Variants in MAML3 observed in about 807,000 individuals in gnomAD.
MAML3 encodes the protein mastermind-like protein 3.
MAML3 carries 27 observed loss-of-function variants against 101.9 expected under a neutral mutation model. The observed-to-expected ratio is 0.27, with a 90% confidence interval of 0.20 to 0.37. The LOEUF (loss-of-function observed/expected upper bound fraction) is 0.37. Among genes scored for constraint, MAML3 ranks in the 10% least tolerant of loss-of-function variants. The pLI, the probability that MAML3 is intolerant of heterozygous loss-of-function variation, is 1.00. For missense variants in MAML3, 1,316 were observed against 1,444.9 expected, an observed-to-expected ratio of 0.91 and a Z score of 1.45; for synonymous variants, 501 against 555.9, an observed-to-expected ratio of 0.90 and a Z score of 1.39.
At chr4:140,029,178 C>G (rs1726871012) in intron 1 of MAML3, among the ~76,000 whole-genome samples, 1 of 152,178 alleles carries the variant, frequency 6.6e-6, no homozygotes, top group Non-Finnish European at 1.5e-5. Flanking sequence ...AAACCCTGCT[C>G]AGCACAGGGT....
At chr4:140,102,118 T>A (rs1334347474) in intron 1 of MAML3, among the ~76,000 whole-genome samples, 2 of 152,198 alleles carry the variant, frequency 1.3e-5, no homozygotes, top group Admixed American at 1.3e-4. Context: ...AGCTGAGTTA[T>A]TAGAAAATGG....
chr4:140,062,140 G>T (rs1727457810), intron 1 of MAML3, among the ~76,000 whole-genome samples: 1 of 152,058 alleles, frequency 6.6e-6, no homozygotes, highest in Non-Finnish European at 1.5e-5. Context: ...CTCTCTTCTG[G>T]ATAGTTCAAA....
chr4:140,023,075 G>A (rs1298233474), intron 1 of MAML3, among the ~76,000 whole-genome samples: 1 of 152,148 alleles, frequency 6.6e-6, no homozygotes, highest in Non-Finnish European at 1.5e-5. Context: ...AAAGACACCT[G>A]TATAATATAT....
chr4:139,720,002 C>T lies in MAML3; in HGVS notation c.2738G>A (p.Ser913Asn). ...CACCAGCATGCTCTGACCAAAGCCA[C>T]TCACCATTCCAACCCCCTGCCCAGA... ...PASGQGVGMVSGFGQSMLVNS... is the reference protein window; with the variant it reads ...PASGQGVGMVNGFGQSMLVNS... Residue 913 changes from serine (S) to asparagine (N), a missense_variant, in exon 5 of 5, where the codon AGT (serine) becomes AAT (asparagine). Coordinates refer to ENST00000509479, the MANE Select transcript of MAML3 (RefSeq NM_018717.5). 6.2e-7 allele frequency: 1 copy of T among 1,614,106 alleles called. No homozygotes were observed. Among genetic ancestry groups the T allele is most frequent in the East Asian group, 2.2e-5 (1 of 44,884 alleles).
intron 1 of MAML3, among the ~76,000 whole-genome samples, chr4:140,149,564 T>C (rs1166935643): frequency 1.5e-4 from 23 of 152,236 alleles, no homozygotes; most frequent in Admixed American, 6.5e-4. Flanking sequence ...GAAAGATAAT[T>C]AATCGATATT....
intron 1 of MAML3, among the ~76,000 whole-genome samples, chr4:140,111,699 G>A (rs2111011905): frequency 1.3e-5 from 2 of 152,094 alleles, no homozygotes; most frequent in Middle Eastern, 3.4e-3. Flanking sequence ...CCCTACTGTG[G>A]GAGAATACCC....
intron 2 of MAML3, among the ~76,000 whole-genome samples, chr4:139,859,614 A>T (rs35853157): frequency 0.31 from 47,641 of 152,060 alleles, 8,189 homozygotes; most frequent in East Asian, 0.72. Context: ...AAATAATAAC[A>T]AGCAGTATCT....
intron 1 of MAML3, among the ~76,000 whole-genome samples, chr4:140,146,680 G>A (rs947733955): frequency 7.2e-5 from 11 of 152,084 alleles, no homozygotes. Context: ...TTTTGGAGCA[G>A]TCATCTGCAA....
In MAML3 at chr4:139,717,300, T is replaced by G. The variant is rs1274206542; in HGVS notation, c.*2023A>C. On this transcript the variant is annotated 3_prime_UTR_variant, in exon 5 of 5. Transcript: ENST00000509479. Reference sequence around the variant, plus strand: ...ACTTCCATTAGCCACCTCCAGTTTCTCATCATTGCTTATATATTTATTTCC... The same window carrying G: ...ACTTCCATTAGCCACCTCCAGTTTCGCATCATTGCTTATATATTTATTTCC... 6.6e-6 allele frequency: 1 copy of G among 152,614 alleles called. No individual in the cohort carries two copies. Among genetic ancestry groups the G allele is most frequent in the African/African-American group, 2.4e-5 (1 of 41,440 alleles). The allele number at this position is 152,614 out of a possible 1,614,324, so 9.5% of individuals were successfully genotyped here. A position where few individuals can be genotyped will look rare whatever the true frequency, so the allele number is the denominator to read the frequency against.
intron 1 of MAML3, among the ~76,000 whole-genome samples, chr4:140,136,669 C>G (rs1728888099): frequency 6.6e-6 from 1 of 152,192 alleles, no homozygotes; most frequent in Non-Finnish European, 1.5e-5. Flanking sequence ...AAAGGATCCC[C>G]AAATTGGGAG....
chr4:140,015,924 G>C (rs1726634631), intron 1 of MAML3, among the ~76,000 whole-genome samples: 4 of 152,126 alleles, frequency 2.6e-5, no homozygotes. Context: ...CTGCACTCCA[G>C]CCTGGGCAAC....
At chr4:139,925,082 A>G (rs971266288) in intron 1 of MAML3, among the ~76,000 whole-genome samples, 1 of 152,078 alleles carries the variant, frequency 6.6e-6, no homozygotes, top group East Asian at 1.9e-4. Flanking sequence ...TAGAGCAAAA[A>G]GTGAGTTGAG....
At chr4:139,721,587 C>A (rs1728236278) in intron 4 of MAML3, among the ~76,000 whole-genome samples, 1 of 152,126 alleles carries the variant, frequency 6.6e-6, no homozygotes, top group Non-Finnish European at 1.5e-5. Flanking sequence ...CTATTGATTT[C>A]TGGGCTGCAA....
chr4:140,145,011 A>C (rs1729036051), intron 1 of MAML3, among the ~76,000 whole-genome samples: 1 of 152,200 alleles, frequency 6.6e-6, no homozygotes, highest in Non-Finnish European at 1.5e-5. Context: ...GCACAAGCAG[A>C]GCATGTCTTT....
At chr4:140,006,908 A>G (rs1036530323) in intron 1 of MAML3, among the ~76,000 whole-genome samples, 2 of 152,158 alleles carry the variant, frequency 1.3e-5, no homozygotes, top group African/African-American at 2.4e-5. Flanking sequence ...CTTCCCGTCA[A>G]CCCCTTGAGG....
chr4:140,152,302 G>A (rs1485244382), intron 1 of MAML3, among the ~76,000 whole-genome samples: 1 of 152,236 alleles, frequency 6.6e-6, no homozygotes, highest in African/African-American at 2.4e-5. Context: ...GGGGTGAGCT[G>A]GGGAGAGGAG....
intron 2 of MAML3, among the ~76,000 whole-genome samples, chr4:139,790,990 G>C (rs1177809222): frequency 2.0e-5 from 3 of 152,144 alleles, no homozygotes; most frequent in Non-Finnish European, 4.4e-5. Flanking sequence ...CATTTAAAGA[G>C]ACCAGATTAG....
intron 1 of MAML3, among the ~76,000 whole-genome samples, chr4:140,132,022 G>C (rs1488756583): frequency 6.6e-6 from 1 of 152,214 alleles, no homozygotes; most frequent in African/African-American, 2.4e-5. Context: ...GTGTATGTGC[G>C]GCAATTGGAT....
chr4:139,907,620 T>C (rs2111219629), intron 1 of MAML3, among the ~76,000 whole-genome samples: 1 of 152,326 alleles, frequency 6.6e-6, no homozygotes, highest in African/African-American at 2.4e-5. Flanking sequence ...TGATGGCCCA[T>C]TGGGTGTCAG....
Sources: gnomAD v4.1 joint callset for allele counts (sites outside exome capture counted in the v4.1 genomes callset) on GRCh38, gnomAD v4.1.1 for gene constraint, MANE v1.5 for transcripts, NCBI Gene and HGNC (gene_info 2026-07-23, HGNC 2026-07-21) for gene names.